MOGAT2: variants seen among roughly 807,000 people sequenced by gnomAD.
MOGAT2 encodes the protein 2-acylglycerol O-acyltransferase 2.
A neutral mutation model predicts 31.5 loss-of-function variants in MOGAT2; 27 were observed. The ratio of observed to expected loss-of-function variants is 0.86; its 90% CI spans 0.63 to 1.18. The LOEUF is 1.18. Ranked by LOEUF, MOGAT2 falls within the 50% of genes most tolerant of loss-of-function variation. MOGAT2 has a pLI of 0.00. For missense variants in MOGAT2, 436 were observed against 433.2 expected (o/e 1.01, Z -0.06); for synonymous variants, 163 against 170.0 (o/e 0.96, Z 0.32).
Position 75,727,438 on chromosome 11 carries a change from G to A in MOGAT2, c.274G>A (p.Val92Ile). 1 of 1,613,794 alleles carries A rather than the reference G, an allele frequency of 6.2e-7. No homozygotes were observed. The highest frequency in any genetic ancestry group is 8.5e-7 in the Non-Finnish European group (1 of 1,179,908). The change falls in exon 3 of 6, where the codon GTC becomes ATC. Residue 92 changes from valine to isoleucine, a missense_variant. By Grantham distance (29) the Val-to-Ile change is conservative. Coordinates refer to ENST00000198801, the MANE Select transcript of MOGAT2 (RefSeq NM_025098.4). ...CAGCAGGTTGCCGTCCCTGCAGCTGGTCAAGACTGCTGAGCTGGACCCCTC... is the reference window on the plus strand; with the variant it reads ...CAGCAGGTTGCCGTCCCTGCAGCTGATCAAGACTGCTGAGCTGGACCCCTC... Reference protein sequence around the residue: ...YMKDYFPISLVKTAELDPSRN... With the variant: ...YMKDYFPISLIKTAELDPSRN...
At chr11:75,721,572 T>C (rs2135732006) in intron 2 of MOGAT2, among the ~76,000 whole-genome samples, 1 of 152,268 alleles carries the variant, frequency 6.6e-6, no homozygotes, top group East Asian at 1.9e-4. Flanking sequence ...TGTGAGCCAC[T>C]GTGCCTGGCT....
chr11:75,727,420 T>C lies in MOGAT2; in HGVS notation c.271-15T>C. The C allele has an allele frequency of 6.2e-7, 1 of 1,609,538 alleles. No individual in the cohort carries two copies. Among genetic ancestry groups the C allele is most frequent in the Non-Finnish European group, 8.5e-7 (1 of 1,176,886 alleles). On this transcript the variant is annotated splice_polypyrimidine_tract_variant and intron_variant, in intron 2 of 5. Coordinates refer to ENST00000198801, the MANE Select transcript of MOGAT2 (RefSeq NM_025098.4). The stretch of plus-strand genomic sequence containing the variant: ...ACAGGCCCCGCCCTGGCTCAGCAGG[T>C]TGCCGTCCCTGCAGCTGGTCAAGAC...
intron 2 of MOGAT2, among the ~76,000 whole-genome samples, chr11:75,725,576 A>ATAAATAAT (rs772262314): frequency 1.7e-4 from 25 of 143,342 alleles, no homozygotes; most frequent in African/African-American, 6.2e-4. Flanking sequence ...AAATAAATAA[A>ATAAATAAT]TAAATTGCAG....
At chr11:75,721,999 G>A (rs2135732273) in intron 2 of MOGAT2, among the ~76,000 whole-genome samples, 1 of 152,336 alleles carries the variant, frequency 6.6e-6, no homozygotes, top group African/African-American at 2.4e-5. Context: ...GGGCAATGGG[G>A]GTGCTGGGCA....
At chr11:75,728,389 G>C (rs761146844) in intron 4 of MOGAT2, 14 of 649,554 alleles carry the variant, frequency 2.2e-5, no homozygotes, top group Admixed American at 4.3e-5. Context: ...CATTTGATCT[G>C]AGATCTGTGG....
intron 2 of MOGAT2, among the ~76,000 whole-genome samples, chr11:75,722,603 C>T (rs933061886): frequency 6.6e-6 from 1 of 152,242 alleles, no homozygotes; most frequent in Admixed American, 6.5e-5. Context: ...AAGCAGAAGG[C>T]AGGCCTGCAG....
chr11:75,727,779 C>T (rs1944434737), intron 3 of MOGAT2, 140 bp downstream of exon 3: 3 of 1,046,910 alleles, frequency 2.9e-6, no homozygotes, highest in South Asian at 3.1e-5. Flanking sequence ...CAGCACCATG[C>T]TGGGCGCTGA....
chr11:75,731,236 C>T lies in MOGAT2; in HGVS notation c.955C>T (p.His319Tyr). ...AGAGCTGTGCAACCTCTTCGAGGCCCACAAACTTAAGTTCAACATCCCTGC... is the reference window on the plus strand; with the variant it reads ...AGAGCTGTGCAACCTCTTCGAGGCCTACAAACTTAAGTTCAACATCCCTGC... ...IKELCNLFEA[H>Y]KLKFNIPADQ... The change falls in exon 6 of 6, where the codon CAC becomes TAC. Residue 319 changes from histidine (H) to tyrosine (Y), a missense_variant. By Grantham distance (83) the His-to-Tyr change is moderately conservative. Coordinates refer to ENST00000198801, the MANE Select transcript of MOGAT2 (RefSeq NM_025098.4). 1 of 1,614,138 alleles carries T rather than the reference C, an allele frequency of 6.2e-7. No homozygotes were observed. Among genetic ancestry groups the T allele is most frequent in the Admixed American group, 1.7e-5 (1 of 60,026 alleles).
In MOGAT2 at chr11:75,720,307, G is replaced by A. The variant is rs376300007; in HGVS notation, c.270+137G>A. 3.2e-5 allele frequency: 29 copies of A among 907,300 alleles called. No individual in the cohort carries two copies. The East Asian group carries it at 3.2e-4, about 10-fold the overall frequency. 56.2% of individuals were successfully genotyped at this position (907,300 alleles called of 1,614,324 possible). A position where few individuals can be genotyped will look rare whatever the true frequency, so the allele number is the denominator to read the frequency against. ...ACTGGGCTGGGAGGCAGGAGCTAGG[G>A]CTTCCGCTACTATGTGACCTAGAGA... On this transcript the variant is annotated intron_variant, in intron 2 of 5. Coordinates refer to ENST00000198801, the MANE Select transcript of MOGAT2 (RefSeq NM_025098.4).
At chr11:75,729,890 G>A (rs535138819) in intron 5 of MOGAT2, among the ~76,000 whole-genome samples, 2 of 151,722 alleles carry the variant, frequency 1.3e-5, no homozygotes, top group East Asian at 3.9e-4. Flanking sequence ...GATTACAGGT[G>A]CGTGCCACCA....
In MOGAT2 at chr11:75,720,266, A is replaced by G. The variant is rs533200529; in HGVS notation, c.270+96A>G. 1.7e-3 allele frequency: 2,322 copies of G among 1,374,340 alleles called. 4 individuals carry two copies. The highest frequency in any genetic ancestry group is 2.0e-3 in the Non-Finnish European group (2,020 of 996,902). The allele number at this position is 1,374,340 out of a possible 1,614,324, so 85.1% of individuals were successfully genotyped here. On this transcript the variant is annotated intron_variant, in intron 2 of 5. Transcript: ENST00000198801. ...TCTCCATGGGAGAATATGGCCCTGCATGCACTGAGGAGGGTACTGGGCTGG... is the reference window on the plus strand; with the variant it reads ...TCTCCATGGGAGAATATGGCCCTGCGTGCACTGAGGAGGGTACTGGGCTGG...
intron 2 of MOGAT2, among the ~76,000 whole-genome samples, chr11:75,727,112 A>G (rs1944428107): frequency 6.6e-6 from 1 of 152,162 alleles, no homozygotes; most frequent in Non-Finnish European, 1.5e-5. Flanking sequence ...AGGCACCATC[A>G]TACCTGAGTT....
chr11:75,725,547 C>CATAAATAA (rs56400236), intron 2 of MOGAT2, among the ~76,000 whole-genome samples: 22,144 of 146,350 alleles, frequency 0.15, 2,546 homozygotes, highest in African/African-American at 0.32. Context: ...GACTCTGTCT[C>CATAAATAA]ATAAATAAAT....
intron 5 of MOGAT2, among the ~76,000 whole-genome samples, chr11:75,729,395 C>T (rs1350838444): frequency 6.6e-6 from 1 of 151,922 alleles, no homozygotes; most frequent in East Asian, 1.9e-4. Context: ...ATGCCTCAGC[C>T]TCCTGAGTAG....
rs779484342 is a variant in MOGAT2, at chr11:75,720,044, C to A, written c.144C>A (p.Leu48=). ...FIALLFTRFW[L]LTVLYAAWWY... ...CCCTCCTGTTTACAAGATTCTGGCT[C>A]CTCACTGTCCTGTATGCGGCCTGGT... Residue 48 remains leucine, a synonymous_variant, in exon 2 of 6, where the codon CTC becomes CTA. Coordinates refer to ENST00000198801, the MANE Select transcript of MOGAT2 (RefSeq NM_025098.4). 30 of 1,614,064 alleles carry A rather than the reference C, an allele frequency of 1.9e-5. No homozygotes were observed. The highest frequency in any genetic ancestry group is 5.0e-5 in the Admixed American group (3 of 60,008).
At chr11:75,722,443 G>A (rs1944383856) in intron 2 of MOGAT2, among the ~76,000 whole-genome samples, 1 of 152,202 alleles carries the variant, frequency 6.6e-6, no homozygotes, top group Non-Finnish European at 1.5e-5. Context: ...AGAGGTTCTG[G>A]CTCTGGTCTC....
At chr11:75,730,596 G>C (rs910585005) in intron 5 of MOGAT2, among the ~76,000 whole-genome samples, 1 of 152,138 alleles carries the variant, frequency 6.6e-6, no homozygotes, top group Non-Finnish European at 1.5e-5. Context: ...AAAGCACCTA[G>C]TGCATTGCCT....
At position 75,732,128 on chromosome 11, in the gene MOGAT2, A is replaced by G. The variant is rs1289637511; in HGVS notation, c.*842A>G. ...CCAGAGGATAATTTGAGGAGGGTTT[A>G]AAAAGGAACCATTTTTTGAGGTGTG... On this transcript the variant is annotated 3_prime_UTR_variant, in exon 6 of 6. Transcript: ENST00000198801. 1 of 152,320 alleles carries G rather than the reference A, an allele frequency of 6.6e-6. No individual in the cohort carries two copies. The highest frequency in any genetic ancestry group is 6.5e-5 in the Admixed American group (1 of 15,278). The allele number at this position is 152,320 out of a possible 1,614,324, so 9.4% of individuals were successfully genotyped here.
At chr11:75,720,882 G>A (rs1044772150) in intron 2 of MOGAT2, among the ~76,000 whole-genome samples, 2 of 152,166 alleles carry the variant, frequency 1.3e-5, no homozygotes, top group African/African-American at 4.8e-5. Context: ...TTGAAGTTGT[G>A]TCCAGAGCAG....
Sources: allele counts gnomAD v4.1 joint callset (sites outside exome capture counted in the v4.1 genomes callset), GRCh38; gene constraint gnomAD v4.1.1; transcripts MANE v1.5; gene names NCBI Gene and HGNC (gene_info 2026-07-23, HGNC 2026-07-21).